PATL2: variants seen among roughly 807,000 people sequenced by gnomAD.
PATL2 encodes the protein protein PAT1 homolog 2.
In PATL2, 73 loss-of-function variants were observed where a neutral mutation model predicts 77.0. The observed-to-expected ratio is 0.95, with a 90% confidence interval of 0.78 to 1.15. The LOEUF is 1.15. Ranked by LOEUF, PATL2 falls within the 50% of genes most tolerant of loss-of-function variation. The probability of loss-of-function intolerance (pLI) is 0.00; values close to 1 mark genes in which losing one functional copy is unlikely to be tolerated. For synonymous variants in PATL2, 265 were observed against 257.1 expected (o/e 1.03, Z -0.29); for missense variants, 618 against 655.4 (o/e 0.94, Z 0.62).
In PATL2 at chr15:44,669,125, C is replaced by A; in HGVS notation, c.1079G>T (p.Gly360Val). ...CCTCACAGAGAGCACCTGCAGGAAG[C>A]CATCTGCTGCCTCTCTGCAAGGGAG... ...EQNNLEEAADGFLQVLSVRKG... is the reference protein window; with the variant it reads ...EQNNLEEAADVFLQVLSVRKG... Residue 360 changes from glycine (G) to valine (V), a missense_variant, in exon 14 of 18, where the codon GGC (glycine) becomes GTC (valine). Physicochemically the swap from Gly to Val is moderately radical, Grantham distance 109. Transcript: ENST00000682850. 1 of 1,541,648 alleles carries A rather than the reference C, an allele frequency of 6.5e-7. No individual in the cohort carries two copies. Among genetic ancestry groups the A allele is most frequent in the Non-Finnish European group, 8.8e-7 (1 of 1,140,960 alleles).
chr15:44,677,413 C>A (rs1242028829), intron 3 of PATL2, among the ~76,000 whole-genome samples: 1 of 152,160 alleles, frequency 6.6e-6, no homozygotes, highest in Non-Finnish European at 1.5e-5. Flanking sequence ...GAAGTCAGAT[C>A]TTCATGGTAA....
Position 44,670,098 on chromosome 15 carries a change from A to C in PATL2, c.658-11T>G, listed in dbSNP as rs1383060811. ...CTTCTGGTAATATTCCTGAGAATGC[A>C]CGGAATAGGAAACAAAAAAACAAAA... On this transcript the variant is annotated splice_polypyrimidine_tract_variant and intron_variant, in intron 9 of 17. Coordinates refer to ENST00000682850, the MANE Select transcript of PATL2 (RefSeq NM_001387263.1). 6.4e-7 allele frequency: 1 copy of C among 1,551,322 alleles called. No individual in the cohort carries two copies.
At chr15:44,705,966 A>AT (rs1415100731) in intron 3 of PATL2, among the ~76,000 whole-genome samples, 1 of 151,730 alleles carries the variant, frequency 6.6e-6, no homozygotes, top group Non-Finnish European at 1.5e-5. Flanking sequence ...ACGCCCAGCT[A>AT]TTTTTGTATT....
At chr15:44,667,032 G>C (rs2085407957) in intron 16 of PATL2, 74 bp downstream of exon 16, 4 of 1,193,494 alleles carry the variant, frequency 3.4e-6, no homozygotes, top group Non-Finnish European at 4.8e-6. Context: ...AATGCCTCAG[G>C]AAATACTTCA....
At chr15:44,682,480 G>C (rs2086155600) in intron 3 of PATL2, among the ~76,000 whole-genome samples, 1 of 152,232 alleles carries the variant, frequency 6.6e-6, no homozygotes, top group Non-Finnish European at 1.5e-5. Context: ...CTCTGGAACA[G>C]AGTAGGTTCT....
chr15:44,685,665 T>C (rs1231565124), intron 3 of PATL2, among the ~76,000 whole-genome samples: 3 of 151,160 alleles, frequency 2.0e-5, no homozygotes, highest in African/African-American at 4.9e-5. Context: ...AGGAGACCCA[T>C]CTCATGTGCA....
chr15:44,679,220 G>C (rs909444699), intron 3 of PATL2, among the ~76,000 whole-genome samples: 1 of 150,902 alleles, frequency 6.6e-6, no homozygotes, highest in Non-Finnish European at 1.5e-5. Flanking sequence ...ACACCACCAT[G>C]CCTGGCCAAT....
intron 9 of PATL2, among the ~76,000 whole-genome samples, chr15:44,670,329 G>A (rs1209803781): frequency 6.6e-6 from 1 of 152,050 alleles, no homozygotes; most frequent in African/African-American, 2.4e-5. Flanking sequence ...CAGTAGCTGG[G>A]GCCACAGGCA....
chr15:44,678,861 AT>A (rs573840168), intron 3 of PATL2, among the ~76,000 whole-genome samples: 1 of 152,058 alleles, frequency 6.6e-6, no homozygotes, highest in African/African-American at 2.4e-5. Flanking sequence ...TTATGGGGAG[AT>A]TTTTTATCCA....
chr15:44,666,457 GT>G lies in PATL2; in HGVS notation c.1547del (p.Asn516ThrfsTer41), dbSNP rs1490011151. On this transcript the variant is annotated frameshift_variant, in exon 17 of 18. Coordinates refer to ENST00000682850, the MANE Select transcript of PATL2 (RefSeq NM_001387263.1). LOFTEE classifies it high-confidence loss of function. ...SLAEPLAFPS[N>X]LLPLFCHHVD... Reference sequence around the variant, plus strand: ...CGTGGTGACAGAACAGGGGAAGTAGGTTGCTGGGGAAAGCTAGGGGTTCTGC... The same window carrying G: ...CGTGGTGACAGAACAGGGGAAGTAGGTGCTGGGGAAAGCTAGGGGTTCTGC... 1.9e-6 allele frequency: 3 copies of G among 1,551,696 alleles called. No homozygotes were observed. The highest frequency in any genetic ancestry group is 2.6e-6 in the Non-Finnish European group (3 of 1,146,976).
chr15:44,667,475 G>A (rs1032042597), intron 15 of PATL2, among the ~76,000 whole-genome samples: 3 of 152,172 alleles, frequency 2.0e-5, no homozygotes, highest in Non-Finnish European at 2.9e-5. Flanking sequence ...GTAGGAGATC[G>A]GGAATGCATC....
chr15:44,678,907 C>G (rs2086062747), intron 3 of PATL2, among the ~76,000 whole-genome samples: 1 of 152,118 alleles, frequency 6.6e-6, no homozygotes, highest in African/African-American at 2.4e-5. Flanking sequence ...TAGATCTAGT[C>G]TGGCTTTCAA....
chr15:44,667,568 G>T (rs2085444381), intron 15 of PATL2, among the ~76,000 whole-genome samples: 1 of 152,192 alleles, frequency 6.6e-6, no homozygotes, highest in South Asian at 2.1e-4. Flanking sequence ...GCATACATGA[G>T]ATAACCCACT....
At chr15:44,673,764 C>A (rs548350230) in intron 6 of PATL2, among the ~76,000 whole-genome samples, 2 of 152,244 alleles carry the variant, frequency 1.3e-5, no homozygotes, top group East Asian at 3.9e-4. Context: ...CCTTCTAGTT[C>A]TCCCTGAAGG....
At chr15:44,678,275 A>G (rs566977875) in intron 3 of PATL2, among the ~76,000 whole-genome samples, 1 of 152,314 alleles carries the variant, frequency 6.6e-6, no homozygotes, top group East Asian at 1.9e-4. Flanking sequence ...GTGATTCATT[A>G]GGTTGTTGTA....
intron 3 of PATL2, among the ~76,000 whole-genome samples, chr15:44,693,407 GTTCC>G (rs2086436527): frequency 6.6e-6 from 1 of 152,128 alleles, no homozygotes; most frequent in Non-Finnish European, 1.5e-5. Context: ...TTCATGGCCT[GTTCC>G]TTCATCTTCA....
intron 3 of PATL2, among the ~76,000 whole-genome samples, chr15:44,707,853 A>T (rs561986408): frequency 6.6e-6 from 1 of 152,306 alleles, no homozygotes; most frequent in South Asian, 2.1e-4. Context: ...GTTTATGTAG[A>T]ACCTCAGAGC....
intron 3 of PATL2, among the ~76,000 whole-genome samples, chr15:44,698,229 A>G (rs2086553804): frequency 6.6e-6 from 1 of 152,060 alleles, no homozygotes; most frequent in African/African-American, 2.4e-5. Flanking sequence ...CCAAGCATTT[A>G]TCCTTTCTTT....
At chr15:44,685,888 G>A (rs191417267) in intron 3 of PATL2, among the ~76,000 whole-genome samples, 86 of 152,236 alleles carry the variant, frequency 5.6e-4, no homozygotes, top group African/African-American at 2.0e-3. Context: ...CCCAATACAG[G>A]AGCACCCAGA....
Sources: allele counts gnomAD v4.1 joint callset (sites outside exome capture counted in the v4.1 genomes callset), GRCh38; gene constraint gnomAD v4.1.1; transcripts MANE v1.5; gene names NCBI Gene and HGNC (gene_info 2026-07-23, HGNC 2026-07-21).